MAPKBP1: variants seen among roughly 807,000 people sequenced by gnomAD.
MAPKBP1 encodes the protein mitogen-activated protein kinase binding protein 1, also known as mitogen-activated protein kinase-binding protein 1.
MAPKBP1 carries 71 observed loss-of-function variants against 170.5 expected under a neutral mutation model. The observed-to-expected ratio is 0.42, with a 90% CI of 0.34 to 0.51. The LOEUF (loss-of-function observed/expected upper bound fraction) is 0.51. Ranked by LOEUF, MAPKBP1 falls within the 20% of genes least tolerant of loss-of-function variation. MAPKBP1 has a pLI of 0.06. For missense variants in MAPKBP1, 1,598 were observed against 1,933.0 expected (o/e 0.83, Z 3.25); for synonymous variants, 719 against 757.9 (o/e 0.95, Z 0.84).
In MAPKBP1 at chr15:41,817,182, C is replaced by A; in HGVS notation, c.1711+147C>A. ...GAGCTGGTTGGGAAGATAGGTGGAA[C>A]AGAGACTCTCAGTGCTGGGACTTGA... is the stretch of plus-strand genomic sequence containing the variant. On this transcript the variant is annotated intron_variant, in intron 14 of 30. Transcript: ENST00000457542. This position sits in a 1 kb window ranked among gnomAD's most constrained non-coding sequence, Gnocchi z 4.2. 7.4e-7 allele frequency: 1 copy of A among 1,343,642 alleles called. No individual in the cohort carries two copies. Among genetic ancestry groups the A allele is most frequent in the South Asian group, 1.4e-5 (1 of 70,178 alleles). 83.2% of individuals were successfully genotyped at this position (1,343,642 alleles called of 1,614,324 possible). A position where few individuals can be genotyped will look rare whatever the true frequency, so the allele number is the denominator to read the frequency against.
Position 41,825,953 on chromosome 15 carries a change from C to T in MAPKBP1, c.*517C>T, listed in dbSNP as rs566162260. On this transcript the variant is annotated 3_prime_UTR_variant, in exon 31 of 31. Coordinates refer to ENST00000457542, the MANE Select transcript of MAPKBP1 (RefSeq NM_014994.3). ...GCTGCCAGAGCAGGGTGGTTTTCCC[C>T]AATACCTGGAGCTCAGAAAGGCAGA... 6.5e-6 allele frequency: 1 copy of T among 153,120 alleles called. No homozygotes were observed. Among genetic ancestry groups the T allele is most frequent in the Non-Finnish European group, 1.5e-5 (1 of 68,336 alleles). 9.5% of individuals were successfully genotyped at this position (153,120 alleles called of 1,614,324 possible).
At position 41,812,921 on chromosome 15, in the gene MAPKBP1, G is replaced by A; in HGVS notation, c.639G>A (p.Val213=). The A allele has an allele frequency of 6.3e-7, 1 of 1,596,688 alleles. No homozygotes were observed. The change falls in exon 8 of 31, where the codon GTG becomes GTA. Residue 213 remains valine, a splice_region_variant and synonymous_variant. Coordinates refer to ENST00000457542, the MANE Select transcript of MAPKBP1 (RefSeq NM_014994.3). Reference sequence around the variant, plus strand: ...GTAACAGTGGTGTGCCTCCACAGGTGAATGCCACTGTGCCCTTGCTGGGCC... The same window carrying A: ...GTAACAGTGGTGTGCCTCCACAGGTAAATGCCACTGTGCCCTTGCTGGGCC... ...WYLDDSKTSK[V]NATVPLLGRS... is the part of the protein sequence containing the mutation.
At chr15:41,799,786 C>G (rs1414901489) in intron 2 of MAPKBP1, 37 bp from the exon 3 acceptor site, 2 of 1,559,316 alleles carry the variant, frequency 1.3e-6, no homozygotes, top group Non-Finnish European at 1.8e-6. Flanking sequence ...CAAACACACT[C>G]TGTCTGTAAC....
intron 2 of MAPKBP1, among the ~76,000 whole-genome samples, chr15:41,786,777 A>AAAAAAAAATATATAGATAT: frequency 3.1e-5 from 1 of 32,470 alleles, no homozygotes; most frequent in Non-Finnish European, 5.6e-5. Context: ...AAAAAAAAAA[A>AAAAAAAAATATATAGATAT]ATATATATAT....
chr15:41,821,802 G>A, intron 24 of MAPKBP1, 52 bp downstream of exon 24: 1 of 1,593,384 alleles, frequency 6.3e-7, no homozygotes, highest in African/African-American at 1.4e-5. Flanking sequence ...CCCTCCCTAT[G>A]AGTGTTCTTT....
chr15:41,801,958 C>T (rs2064602474), intron 3 of MAPKBP1, among the ~76,000 whole-genome samples: 2 of 152,212 alleles, frequency 1.3e-5, no homozygotes, highest in African/African-American at 4.8e-5. Context: ...TTGGCAGTTT[C>T]GTTGTTGAGT....
Position 41,822,341 on chromosome 15 carries a change from C to T in MAPKBP1, c.3148C>T (p.Gln1050Ter). The change falls in exon 26 of 31, where the codon CAG becomes TAG. Residue 1050 changes from glutamine to a stop codon, truncating the protein, a stop_gained. Coordinates refer to ENST00000457542, the MANE Select transcript of MAPKBP1 (RefSeq NM_014994.3). LOFTEE classifies it high-confidence loss of function. ...GGGAGGCATGGGCCCCTATGGGCTA[C>T]AGGAGGGCAGCCCCCAGACTCCAGA... ...EEGGMGPYGL[Q>*]EGSPQTPDQE... The T allele has an allele frequency of 6.2e-7, 1 of 1,614,048 alleles. No homozygotes were observed. The highest frequency in any genetic ancestry group is 8.5e-7 in the Non-Finnish European group (1 of 1,180,004).
Position 41,820,944 on chromosome 15 carries a change from A to T in MAPKBP1, c.2594A>T (p.Asp865Val). The stretch of plus-strand genomic sequence containing the variant: ...GAACTGAGCGTTAGATCCATGCTGG[A>T]TCTGCGGCAGCTGGAAACACTGGCC... ...GVELSVRSML[D>V]LRQLETLAPS... Residue 865 changes from aspartate to valine, a missense_variant, in exon 23 of 31, where the codon GAT becomes GTT. Transcript: ENST00000457542. 1 of 1,614,182 alleles carries T rather than the reference A, an allele frequency of 6.2e-7. No individual in the cohort carries two copies. Among genetic ancestry groups the T allele is most frequent in the East Asian group, 2.2e-5 (1 of 44,888 alleles).
rs1366277349 is a variant in MAPKBP1 at position 41,821,058 on chromosome 15, T to C, written c.2708T>C (p.Leu903Pro). The change falls in exon 23 of 31, where the codon CTC becomes CCC. Residue 903 changes from leucine (L) to proline (P), a missense_variant. Coordinates refer to ENST00000457542, the MANE Select transcript of MAPKBP1 (RefSeq NM_014994.3). ...KHGQEALETS[L>P]TSQNEKPPRP... ...GGGCAGGAGGCCCTTGAGACTTCACTCACTAGCCAGGTGAGCCTGCTTTCT... is the reference window on the plus strand; with the variant it reads ...GGGCAGGAGGCCCTTGAGACTTCACCCACTAGCCAGGTGAGCCTGCTTTCT... The C allele has an allele frequency of 1.2e-6, 2 of 1,613,820 alleles. No individual in the cohort carries two copies. Among genetic ancestry groups the C allele is most frequent in the Non-Finnish European group, 1.7e-6 (2 of 1,179,962 alleles).
chr15:41,801,377 G>A (rs1299695785), intron 3 of MAPKBP1, among the ~76,000 whole-genome samples: 1 of 152,172 alleles, frequency 6.6e-6, no homozygotes, highest in Admixed American at 6.5e-5. Flanking sequence ...GGCTCACTCT[G>A]TTCCATGCTG....
Position 41,827,077 on chromosome 15 carries a change from C to T in MAPKBP1, c.*1641C>T, listed in dbSNP as rs1270595395. ...TTGGGAGGCCGAGGCGGGTGGATCA[C>T]CTGAGGTTAGGAGTTCGAGATCAGC... On this transcript the variant is annotated 3_prime_UTR_variant, in exon 31 of 31. Transcript: ENST00000457542. 1.3e-5 allele frequency: 2 copies of T among 152,112 alleles called. No individual in the cohort carries two copies. The highest frequency in any genetic ancestry group is 4.8e-5 in the African/African-American group (2 of 41,374). 9.4% of individuals were successfully genotyped at this position (152,112 alleles called of 1,614,324 possible). A position where few individuals can be genotyped will look rare whatever the true frequency, so the allele number is the denominator to read the frequency against.
chr15:41,818,103 T>TA lies in MAPKBP1; in HGVS notation c.1980+20dup, dbSNP rs1385335499. 1.2e-6 allele frequency: 2 copies of TA among 1,613,302 alleles called. No homozygotes were observed. Among genetic ancestry groups the TA allele is most frequent in the South Asian group, 2.2e-5 (2 of 91,040 alleles). On this transcript the variant is annotated intron_variant, in intron 17 of 30. Coordinates refer to ENST00000457542, the MANE Select transcript of MAPKBP1 (RefSeq NM_014994.3). The surrounding 1 kb of genome is among the most constrained non-coding windows in gnomAD (Gnocchi z 5.2). The stretch of plus-strand genomic sequence containing the variant: ...CATTAAGGTAAGGACCCAGAGGGGG[T>TA]ACTGGACAGGGGCTCGGGGACAGAG...
chr15:41,778,965 T>C (rs2152066428), intron 2 of MAPKBP1, among the ~76,000 whole-genome samples: 1 of 152,386 alleles, frequency 6.6e-6, no homozygotes, highest in South Asian at 2.1e-4. Context: ...TTATTCCTTC[T>C]GGAAACAATG....
intron 2 of MAPKBP1, among the ~76,000 whole-genome samples, chr15:41,779,234 G>A (rs1330679181): frequency 6.6e-6 from 1 of 152,030 alleles, no homozygotes; most frequent in East Asian, 1.9e-4. Flanking sequence ...TTTTCGAGAC[G>A]GAGTCTTGCT....
intron 8 of MAPKBP1, 169 bp downstream of exon 8, chr15:41,813,270 G>C: frequency 4.0e-6 from 6 of 1,517,252 alleles, no homozygotes; most frequent in Non-Finnish European, 5.5e-6. Context: ...TTGGTGATCT[G>C]TATAACTGCC....
chr15:41,779,964 C>T (rs576671330), intron 2 of MAPKBP1, among the ~76,000 whole-genome samples: 5 of 152,294 alleles, frequency 3.3e-5, no homozygotes, highest in East Asian at 1.9e-4. Flanking sequence ...TCCCTCCTTC[C>T]GGTGCCTGCA....
At chr15:41,811,431 C>T (rs1019156907) in intron 5 of MAPKBP1, 196 bp downstream of exon 5, 1 of 707,188 alleles carries the variant, frequency 1.4e-6, no homozygotes, top group African/African-American at 1.7e-5. Context: ...TGAAAGCACA[C>T]ATCACTAGCC....
chr15:41,790,278 T>C (rs1368941267), intron 2 of MAPKBP1, among the ~76,000 whole-genome samples: 1 of 152,172 alleles, frequency 6.6e-6, no homozygotes, highest in African/African-American at 2.4e-5. Flanking sequence ...GTTTAGTAGT[T>C]CCCAATCTGG....
Position 41,817,855 on chromosome 15 carries a change from C to T in MAPKBP1, c.1904+120C>T. The T allele has an allele frequency of 2.6e-6, 4 of 1,559,726 alleles. No individual in the cohort carries two copies. The highest frequency in any genetic ancestry group is 2.6e-6 in the Non-Finnish European group (3 of 1,139,726). On this transcript the variant is annotated intron_variant, in intron 16 of 30. Coordinates refer to ENST00000457542, the MANE Select transcript of MAPKBP1 (RefSeq NM_014994.3). The surrounding 1 kb of genome is among the most constrained non-coding windows in gnomAD (Gnocchi z 4.2). ...AGGACTTTGTACCCCCTTGAGCCTA[C>T]AGTACTTTGCTTCACCCAAGAGGTG...
Sources: gnomAD v4.1 joint callset for allele counts (sites outside exome capture counted in the v4.1 genomes callset) on GRCh38, gnomAD v4.1.1 for gene constraint, Gnocchi (gnomAD v3.1) non-coding constraint, MANE v1.5 for transcripts, NCBI Gene and HGNC (gene_info 2026-07-23, HGNC 2026-07-21) for gene names.